RSRP1: variants seen among roughly 807,000 people sequenced by gnomAD.
RSRP1 encodes the protein arginine and serine rich protein 1.
A neutral mutation model predicts 33.0 loss-of-function variants in RSRP1; 37 were observed. That is an observed-to-expected ratio of 1.12 (90% CI 0.86 to 1.48). The LOEUF (loss-of-function observed/expected upper bound fraction) is 1.48. Ranked by LOEUF, RSRP1 falls within the 40% of genes most tolerant of loss-of-function variation. The pLI, the probability that RSRP1 is intolerant of heterozygous loss-of-function variation, is 0.00. For synonymous variants in RSRP1, 167 were observed against 158.7 expected (o/e 1.05, Z -0.40); for missense variants, 402 against 385.3 (o/e 1.04, Z -0.36).
In RSRP1 at chr1:25,274,355, G is replaced by A. The variant is rs1466191373; in HGVS notation, c.-66-27326C>T. On this transcript the variant is annotated intron_variant, in intron 1 of 1. Coordinates refer to the RSRP1 transcript ENST00000561867. ...TTATGCATCATGGCCCCATTTTACA[G>A]TGGGCTTGAGTCTTTGTCATATAAC... 2.3e-5 allele frequency among the ~76,000 whole-genome samples: 3 copies of A among 132,580 alleles called. 1 individual carries two copies. Among genetic ancestry groups the A allele is most frequent in the African/African-American group, 5.1e-5 (2 of 38,894 alleles). 87.0% of individuals were successfully genotyped at this position (132,580 alleles called of 152,430 possible). A position where few individuals can be genotyped will look rare whatever the true frequency, so the allele number is the denominator to read the frequency against.
chr1:25,304,507 A>G (rs1643641948), intron 1 of RSRP1: 1 of 129,850 alleles, frequency 7.7e-6, no homozygotes, highest in African/African-American at 2.7e-5. Flanking sequence ...CTGAGACACG[A>G]GAATCACTTG....
At chr1:25,290,014 A>C (rs1270732818) in intron 1 of RSRP1, among the ~76,000 whole-genome samples, 1 of 126,986 alleles carries the variant, frequency 7.9e-6, no homozygotes, top group East Asian at 2.0e-4. Flanking sequence ...TCACATCCCC[A>C]GGACACCAAC....
At chr1:25,314,201 G>A (rs1001807263) in intron 1 of RSRP1, among the ~76,000 whole-genome samples, 1 of 132,968 alleles carries the variant, frequency 7.5e-6, no homozygotes, top group Admixed American at 7.3e-5. Flanking sequence ...CTAATCACCA[G>A]TAGTGTATAG....
rs183302317 is a variant in RSRP1 at position 25,273,014 on chromosome 1, C to T, written c.-66-25985G>A. The stretch of plus-strand genomic sequence containing the variant: ...TGCTTCTCTGCTTCCCCTTCTCTCT[C>T]CTCAGTGGCAAGGAATTTTTTTATT... On this transcript the variant is annotated intron_variant, in intron 1 of 1. Transcript: ENST00000561867. Among the ~76,000 whole-genome samples, 88 of 132,482 alleles carry T rather than the reference C, an allele frequency of 6.6e-4. 23 individuals are homozygous for T. The highest frequency in any genetic ancestry group is 1.5e-3 in the Non-Finnish European group (82 of 55,876). 86.9% of individuals were successfully genotyped at this position (132,482 alleles called of 152,430 possible).
intron 1 of RSRP1, chr1:25,337,648 G>T (rs1645106801): frequency 7.1e-6 from 1 of 141,436 alleles, no homozygotes; most frequent in Admixed American, 7.1e-5. Flanking sequence ...AGAGGCGGGG[G>T]ATGCAGCTAC....
chr1:25,242,712 A>G lies in RSRP1; in HGVS notation c.757-7T>C. 6.4e-7 allele frequency: 1 copy of G among 1,569,620 alleles called. No homozygotes were observed. Among genetic ancestry groups the G allele is most frequent in the Non-Finnish European group, 8.7e-7 (1 of 1,152,552 alleles). Reference sequence around the variant, plus strand: ...TTGGCTTTGCTACAGAATTCTGTAAAAGAACAAATTCAGTCAGCTTCCCAA... The same window carrying G: ...TTGGCTTTGCTACAGAATTCTGTAAGAGAACAAATTCAGTCAGCTTCCCAA... On this transcript the variant is annotated splice_region_variant and splice_polypyrimidine_tract_variant and intron_variant, in intron 4 of 4. Transcript: ENST00000243189.
chr1:25,301,035 C>T lies in RSRP1; in HGVS notation c.-67+36943G>A, dbSNP rs371325050. On this transcript the variant is annotated intron_variant, in intron 1 of 1. Coordinates refer to the RSRP1 transcript ENST00000561867. ...CCTGGTGCCTGCCAAAGCCTCTACC[C>T]GAGGGAACGGAGGATAAAGATCAGA... The T allele has an allele frequency of 9.6e-5, 132 of 1,377,472 alleles. 31 individuals carry two copies. The South Asian group carries it at 1.2e-3, about 13-fold the overall frequency. The allele number at this position is 1,377,472 out of a possible 1,614,324, so 85.3% of individuals were successfully genotyped here. A position where few individuals can be genotyped will look rare whatever the true frequency, so the allele number is the denominator to read the frequency against.
At chr1:25,331,853 C>T (rs1437611246) in intron 1 of RSRP1, among the ~76,000 whole-genome samples, 2 of 124,720 alleles carry the variant, frequency 1.6e-5, no homozygotes, top group Non-Finnish European at 3.8e-5. Flanking sequence ...CATTCTCCTG[C>T]CTCAGCCTCC....
At chr1:25,243,515 CA>C in intron 4 of RSRP1, 34 bp downstream of exon 4, 2 of 1,603,238 alleles carry the variant, frequency 1.2e-6, no homozygotes. Flanking sequence ...ATCCTAAATC[CA>C]ATTTTTGAGT....
intron 1 of RSRP1, among the ~76,000 whole-genome samples, chr1:25,268,380 G>A (rs1640389346): frequency 7.6e-6 from 1 of 131,294 alleles, no homozygotes; most frequent in African/African-American, 2.6e-5. Flanking sequence ...TTAGCGCGGT[G>A]TGGTGGCTCA....
rs1000116436 is a variant in RSRP1, at chr1:25,247,001, G to A, written c.-38C>T. The A allele has an allele frequency of 2.6e-6, 4 of 1,517,208 alleles. No individual in the cohort carries two copies. The highest frequency in any genetic ancestry group is 2.8e-5 in the African/African-American group (2 of 71,670). The allele number at this position is 1,517,208 out of a possible 1,614,324, so 94.0% of individuals were successfully genotyped here. A position where few individuals can be genotyped will look rare whatever the true frequency, so the allele number is the denominator to read the frequency against. ...CTTTAGCCTGCGCTTTCTCCGGAAA[G>A]GATCCCGCAAGCCTCAACTCAGGAC... On this transcript the variant is annotated 5_prime_UTR_variant, in exon 2 of 5. Coordinates refer to ENST00000243189, the MANE Select transcript of RSRP1 (RefSeq NM_020317.5).
intron 3 of RSRP1, 143 bp downstream of exon 3, chr1:25,245,007 A>G: frequency 3.2e-6 from 5 of 1,551,912 alleles, no homozygotes; most frequent in Non-Finnish European, 4.3e-6. Context: ...GACATTGCCT[A>G]TCTTCAGATT....
rs191281470 is a variant in RSRP1, at chr1:25,274,195, A to C, written c.-66-27166T>G. Reference sequence around the variant, plus strand: ...ACAATAACCCAATGAGGTGGGTACTATTATGATCTTCGTTTTTCATATGAG... The same window carrying C: ...ACAATAACCCAATGAGGTGGGTACTCTTATGATCTTCGTTTTTCATATGAG... On this transcript the variant is annotated intron_variant, in intron 1 of 1. Transcript: ENST00000561867. Among the ~76,000 whole-genome samples, 11 of 132,088 alleles carry C rather than the reference A, an allele frequency of 8.3e-5. 2 individuals carry two copies. The highest frequency in any genetic ancestry group is 2.6e-4 in the African/African-American group (10 of 38,852). The allele number at this position is 132,088 out of a possible 152,430, so 86.7% of individuals were successfully genotyped here.
At chr1:25,290,768 A>G in intron 1 of RSRP1, 1 of 1,376,930 alleles carries the variant, frequency 7.3e-7, no homozygotes, top group Admixed American at 1.8e-5. Flanking sequence ...CAACCTGAGG[A>G]TGGTCATCAG....
chr1:25,291,853 A>T lies in RSRP1; in HGVS notation c.-66-44824T>A, dbSNP rs774271449. Among the ~76,000 whole-genome samples the T allele has an allele frequency of 3.8e-5, 5 of 132,800 alleles. 2 individuals are homozygous for T. The highest frequency in any genetic ancestry group is 8.9e-5 in the Non-Finnish European group (5 of 55,964). 87.1% of individuals were successfully genotyped at this position (132,800 alleles called of 152,430 possible). A position where few individuals can be genotyped will look rare whatever the true frequency, so the allele number is the denominator to read the frequency against. ...GCTGTAACCCTGACCCTGAGTGAGGACATAGCCAACCTTCCCATCTCATAG... is the reference window on the plus strand; with the variant it reads ...GCTGTAACCCTGACCCTGAGTGAGGTCATAGCCAACCTTCCCATCTCATAG... On this transcript the variant is annotated intron_variant, in intron 1 of 1. Transcript: ENST00000561867.
chr1:25,293,600 A>C (rs1232143594), intron 1 of RSRP1, among the ~76,000 whole-genome samples: 1 of 131,236 alleles, frequency 7.6e-6, no homozygotes, highest in Non-Finnish European at 1.8e-5. Flanking sequence ...AAGCACTCCA[A>C]GCGTTTCTTC....
rs1193655501 is a variant in RSRP1, at chr1:25,333,431, G to T, written c.-67+4547C>A. ...ATCTGAGCAGAGACTTGAATGAAGTGAAGAAGTGAGCCATGTGGGTATGGG... is the reference window on the plus strand; with the variant it reads ...ATCTGAGCAGAGACTTGAATGAAGTTAAGAAGTGAGCCATGTGGGTATGGG... On this transcript the variant is annotated intron_variant, in intron 1 of 1. Coordinates refer to the RSRP1 transcript ENST00000561867. Among the ~76,000 whole-genome samples, 8 of 129,874 alleles carry T rather than the reference G, an allele frequency of 6.2e-5. 1 individual carries two copies. Among genetic ancestry groups the T allele is most frequent in the African/African-American group, 1.9e-4 (7 of 36,548 alleles). 85.2% of individuals were successfully genotyped at this position (129,874 alleles called of 152,430 possible).
At chr1:25,258,794 TA>T (rs755913598) in intron 1 of RSRP1, among the ~76,000 whole-genome samples, 22 of 151,602 alleles carry the variant, frequency 1.5e-4, no homozygotes, top group South Asian at 1.0e-3. Flanking sequence ...AAATATCTCT[TA>T]AAAAAAAACT....
In RSRP1 at chr1:25,269,910, G is replaced by A. The variant is rs570358809; in HGVS notation, c.-66-22881C>T. Among the ~76,000 whole-genome samples the A allele has an allele frequency of 5.3e-5, 7 of 132,318 alleles. 1 individual carries two copies. In the East Asian group the frequency reaches 5.9e-4, roughly 11 times the overall value. The allele number at this position is 132,318 out of a possible 152,430, so 86.8% of individuals were successfully genotyped here. ...CTTGGAACCAACCACCACCCACGCC[G>A]TTTGCCAGCTGGTAAACATGCCCAT... On this transcript the variant is annotated intron_variant, in intron 1 of 1. Coordinates refer to the RSRP1 transcript ENST00000561867.
Sources: allele counts gnomAD v4.1 joint callset (sites outside exome capture counted in the v4.1 genomes callset), GRCh38; gene constraint gnomAD v4.1.1; transcripts MANE v1.5; gene names NCBI Gene and HGNC (gene_info 2026-07-23, HGNC 2026-07-21).